Variants in BNC2 observed in about 807,000 individuals in gnomAD.
The protein encoded by BNC2 is zinc finger protein basonuclin-2.
BNC2 carries 20 observed loss-of-function variants against 76.3 expected under a neutral mutation model. That is an observed-to-expected ratio of 0.26 (90% CI 0.18 to 0.38). The LOEUF (loss-of-function observed/expected upper bound fraction) is 0.38. Among genes scored for constraint, BNC2 ranks in the 10% least tolerant of loss-of-function variants. The pLI, the probability that BNC2 is intolerant of heterozygous loss-of-function variation, is 1.00. For synonymous variants in BNC2, 582 were observed against 514.8 expected (o/e 1.13, Z -1.77); for missense variants, 1,382 against 1,399.8 (o/e 0.99, Z 0.20).
At chr9:16,754,962 A>G (rs981688053) in intron 1 of BNC2, among the ~76,000 whole-genome samples, 2 of 152,124 alleles carry the variant, frequency 1.3e-5, no homozygotes, top group African/African-American at 4.8e-5. Context: ...TTTCTTCCCA[A>G]CAAGATACTT....
chr9:16,823,290 T>A (rs1172795579), intron 1 of BNC2, among the ~76,000 whole-genome samples: 1 of 152,002 alleles, frequency 6.6e-6, no homozygotes, highest in African/African-American at 2.4e-5. Context: ...ATAAAATAGT[T>A]CTATAGTGAC....
intron 3 of BNC2, among the ~76,000 whole-genome samples, chr9:16,721,296 T>C (rs1254474400): frequency 2.0e-5 from 3 of 152,306 alleles, no homozygotes; most frequent in Non-Finnish European, 4.4e-5. Context: ...ATAAAGGCTG[T>C]TGTTCCTGAA....
chr9:16,723,606 T>C (rs1373889150), intron 3 of BNC2, among the ~76,000 whole-genome samples: 3 of 152,150 alleles, frequency 2.0e-5, no homozygotes, highest in Non-Finnish European at 4.4e-5. Flanking sequence ...AAAATTCATA[T>C]TGAGCACTGT....
chr9:16,726,620 C>A (rs1824331702), intron 3 of BNC2, among the ~76,000 whole-genome samples: 1 of 147,564 alleles, frequency 6.8e-6, no homozygotes, highest in Non-Finnish European at 1.5e-5. Flanking sequence ...CACAACATTT[C>A]TTAATAACCG....
chr9:16,705,813 A>T (rs1402612373), intron 3 of BNC2, among the ~76,000 whole-genome samples: 1 of 152,218 alleles, frequency 6.6e-6, no homozygotes, highest in Non-Finnish European at 1.5e-5. Flanking sequence ...TTCAATTTAG[A>T]TTTACAAAAC....
At chr9:16,443,896 T>C (rs1487113516) in intron 5 of BNC2, among the ~76,000 whole-genome samples, 9 of 152,192 alleles carry the variant, frequency 5.9e-5, no homozygotes, top group Admixed American at 5.9e-4. Flanking sequence ...TTGTACACCA[T>C]GATTGTGCTG....
In BNC2 at chr9:16,595,985, T is replaced by C. The variant is rs539352056; in HGVS notation, c.331-12900A>G. On this transcript the variant is annotated intron_variant, in intron 3 of 6. Transcript: ENST00000380672. The stretch of plus-strand genomic sequence containing the variant: ...TGTCAGCTGAATCAACATAATGGGC[T>C]ATAACAGCTTCGAAGCAGCTAATAT... 4.6e-5 allele frequency among the ~76,000 whole-genome samples: 7 copies of C among 152,250 alleles called. No homozygotes were observed. In the South Asian group the frequency reaches 1.4e-3, roughly 32 times the overall value.
chr9:16,622,277 T>C (rs1447466734), intron 3 of BNC2, among the ~76,000 whole-genome samples: 1 of 152,126 alleles, frequency 6.6e-6, no homozygotes. Context: ...GGAAAATAGG[T>C]TTTATTCATT....
At chr9:16,665,386 A>AAAAAAGAGAG (rs1554702315) in intron 3 of BNC2, among the ~76,000 whole-genome samples, 1 of 84,302 alleles carries the variant, frequency 1.2e-5, no homozygotes, top group Non-Finnish European at 2.1e-5. Context: ...AAAAAAAAAA[A>AAAAAAGAGAG]AGAGAGAGAG....
At chr9:16,803,812 T>C (rs1385982471) in intron 1 of BNC2, among the ~76,000 whole-genome samples, 2 of 152,214 alleles carry the variant, frequency 1.3e-5, no homozygotes, top group Non-Finnish European at 2.9e-5. Flanking sequence ...AAACTGCTCT[T>C]TGCAAATGTC....
At chr9:16,572,344 A>C (rs1282067479) in intron 4 of BNC2, among the ~76,000 whole-genome samples, 2 of 152,224 alleles carry the variant, frequency 1.3e-5, no homozygotes, top group African/African-American at 4.8e-5. Context: ...GGAAAAGAAA[A>C]ACGCACAAAT....
chr9:16,604,663 G>T (rs1394962887), intron 3 of BNC2, among the ~76,000 whole-genome samples: 2 of 151,982 alleles, frequency 1.3e-5, no homozygotes, highest in Admixed American at 6.6e-5. Context: ...CAATTAGCCG[G>T]GCGTGGTGGT....
At position 16,436,993 on chromosome 9, in the gene BNC2, A is replaced by G. The variant is rs753236453; in HGVS notation, c.1201T>C (p.Cys401Arg). 1 of 1,614,110 alleles carries G rather than the reference A, an allele frequency of 6.2e-7. No individual in the cohort carries two copies. Among genetic ancestry groups the G allele is most frequent in the Admixed American group, 1.7e-5 (1 of 60,004 alleles). ...TNVEPKTEPACVSPIQNSAPV... is the reference protein window; with the variant it reads ...TNVEPKTEPARVSPIQNSAPV... ...GCAGAATTCTGAATGGGAGAGACAC[A>G]GGCTGGCTCGGTTTTGGGCTCCACA... Residue 401 changes from cysteine to arginine, a missense_variant, in exon 6 of 7, where the codon TGT (cysteine) becomes CGT (arginine). Transcript: ENST00000380672.
chr9:16,745,708 G>A (rs1270001580), intron 1 of BNC2, among the ~76,000 whole-genome samples: 2 of 152,126 alleles, frequency 1.3e-5, no homozygotes, highest in Non-Finnish European at 2.9e-5. Context: ...GCCTGTCTCT[G>A]ATAAAAATAA....
chr9:16,802,518 C>G (rs1213556884), intron 1 of BNC2, among the ~76,000 whole-genome samples: 1 of 152,208 alleles, frequency 6.6e-6, no homozygotes, highest in African/African-American at 2.4e-5. Context: ...GCCCTTCCTG[C>G]AAGGCAAATG....
chr9:16,578,243 C>T (rs941348140), intron 4 of BNC2, among the ~76,000 whole-genome samples: 1 of 152,262 alleles, frequency 6.6e-6, no homozygotes, highest in Non-Finnish European at 1.5e-5. Context: ...TTAAATATTT[C>T]CTAAAACGCC....
At chr9:16,550,051 T>C in intron 5 of BNC2, among the ~76,000 whole-genome samples, 1 of 152,104 alleles carries the variant, frequency 6.6e-6, no homozygotes, top group Admixed American at 6.5e-5. Context: ...ATGCTCTCTA[T>C]AAGCAGTATT....
At chr9:16,625,084 G>A (rs1820956465) in intron 3 of BNC2, among the ~76,000 whole-genome samples, 1 of 152,146 alleles carries the variant, frequency 6.6e-6, no homozygotes, top group Non-Finnish European at 1.5e-5. Context: ...AACATAAACT[G>A]TCAAACTGAA....
At chr9:16,770,652 A>AT (rs58805474) in intron 1 of BNC2, among the ~76,000 whole-genome samples, 210 of 149,250 alleles carry the variant, frequency 1.4e-3, no homozygotes, top group African/African-American at 4.8e-3. Flanking sequence ...TCATTCAAGA[A>AT]TTTTTTTTTT....
Sources: allele counts gnomAD v4.1 joint callset (sites outside exome capture counted in the v4.1 genomes callset), GRCh38; gene constraint gnomAD v4.1.1; transcripts MANE v1.5; gene names NCBI Gene and HGNC (gene_info 2026-07-23, HGNC 2026-07-21).